Variants in PIGK observed in about 807,000 individuals in gnomAD.
PIGK encodes the protein phosphatidylinositol glycan anchor biosynthesis class K.
In PIGK, 42 loss-of-function variants were observed where a neutral mutation model predicts 50.6. The observed-to-expected ratio is 0.83, with a 90% CI of 0.65 to 1.07. The LOEUF is 1.07. Ranked by LOEUF, PIGK falls within the 50% of genes least tolerant of loss-of-function variation. PIGK has a pLI of 0.00. For missense variants in PIGK, 448 were observed against 488.7 expected (o/e 0.92, Z 0.78); for synonymous variants, 151 against 156.0 (o/e 0.97, Z 0.24).
chr1:77,110,589 C>T (rs1341305175), intron 10 of PIGK, among the ~76,000 whole-genome samples: 2 of 152,138 alleles, frequency 1.3e-5, no homozygotes, highest in East Asian at 1.9e-4. Flanking sequence ...CCCTTCCTTA[C>T]ACCTTATACA....
At chr1:77,142,433 TAG>T (rs1654668944) in intron 9 of PIGK, among the ~76,000 whole-genome samples, 1 of 152,114 alleles carries the variant, frequency 6.6e-6, no homozygotes. Flanking sequence ...ACTCAGAAGG[TAG>T]AGAGTAGATC....
intron 8 of PIGK, 107 bp from the exon 9 acceptor site, chr1:77,154,728 A>G (rs1355476573): frequency 1.4e-6 from 1 of 729,970 alleles, no homozygotes; most frequent in Non-Finnish European, 2.3e-6. Context: ...AACTCTCCCA[A>G]CCTAAAGAAG....
At chr1:77,194,957 C>A in intron 3 of PIGK, 2 of 600,558 alleles carry the variant, frequency 3.3e-6, no homozygotes. Flanking sequence ...ACTACTCCTG[C>A]TTAAGTGTGG....
intron 3 of PIGK, among the ~76,000 whole-genome samples, chr1:77,173,047 A>G (rs1395013257): frequency 6.6e-6 from 1 of 152,210 alleles, no homozygotes; most frequent in African/African-American, 2.4e-5. Flanking sequence ...GGAACCCAAG[A>G]GCAAAGCCAA....
intron 9 of PIGK, among the ~76,000 whole-genome samples, chr1:77,140,672 A>G (rs1400628945): frequency 1.3e-5 from 2 of 152,188 alleles, no homozygotes; most frequent in Non-Finnish European, 2.9e-5. Context: ...ACTATATCTA[A>G]CTTTCAAAGA....
chr1:77,181,611 C>T (rs908875824), intron 3 of PIGK, among the ~76,000 whole-genome samples: 1 of 152,092 alleles, frequency 6.6e-6, no homozygotes, highest in African/African-American at 2.4e-5. Flanking sequence ...AAAGCATCAT[C>T]CCAAGCTAGA....
intron 10 of PIGK, among the ~76,000 whole-genome samples, chr1:77,112,332 A>C (rs1404810450): frequency 6.6e-6 from 1 of 152,004 alleles, no homozygotes; most frequent in Non-Finnish European, 1.5e-5. Flanking sequence ...GCTGCAAGTC[A>C]GTATCTAAAC....
chr1:77,214,457 C>G (rs1656503684), intron 1 of PIGK, among the ~76,000 whole-genome samples: 1 of 152,040 alleles, frequency 6.6e-6, no homozygotes, highest in African/African-American at 2.4e-5. Flanking sequence ...TCAACATCCC[C>G]TCACGATAAA....
intron 6 of PIGK, 139 bp from the exon 7 acceptor site, chr1:77,161,850 AG>A: frequency 1.8e-6 from 1 of 568,772 alleles, no homozygotes; most frequent in South Asian, 3.1e-5. Flanking sequence ...AATTCCCAAC[AG>A]AAATTTGACC....
Position 77,154,497 on chromosome 1 carries a change from G to A in PIGK, c.938C>T (p.Thr313Ile), listed in dbSNP as rs1395107568. Residue 313 changes from threonine (T) to isoleucine (I), a missense_variant, in exon 9 of 11, where the codon ACA becomes ATA. By Grantham distance (89) the Thr-to-Ile change is moderately conservative. Coordinates refer to ENST00000370812, the MANE Select transcript of PIGK (RefSeq NM_005482.3). ...FFGSVRKVEI[T>I]TETIKLQQDS... is the part of the protein sequence containing the mutation. ...CTGTTGCAATTTAATAGTCTCTGTT[G>A]TAATTTCCACTTTCCGTACACTTCC... 6.2e-7 allele frequency: 1 copy of A among 1,612,004 alleles called. No homozygotes were observed. Among genetic ancestry groups the A allele is most frequent in the Non-Finnish European group, 8.5e-7 (1 of 1,178,592 alleles).
At chr1:77,195,070 CAT>C in intron 3 of PIGK, 1 of 947,586 alleles carries the variant, frequency 1.1e-6, no homozygotes, top group Non-Finnish European at 1.7e-6. Flanking sequence ...GCACACTGCC[CAT>C]AGCAGGAACA....
intron 3 of PIGK, among the ~76,000 whole-genome samples, chr1:77,201,704 G>C (rs1251700700): frequency 6.6e-6 from 1 of 152,036 alleles, no homozygotes; most frequent in Non-Finnish European, 1.5e-5. Context: ...TTGCTCCACT[G>C]CACTCCAGCC....
intron 3 of PIGK, among the ~76,000 whole-genome samples, chr1:77,177,181 G>A (rs1655506249): frequency 1.3e-5 from 2 of 152,016 alleles, no homozygotes; most frequent in African/African-American, 2.4e-5. Flanking sequence ...ATTTTCACCA[G>A]GTAAAGAAAG....
chr1:77,122,416 CA>C, intron 9 of PIGK, 57 bp from the exon 10 acceptor site: 2 of 896,014 alleles, frequency 2.2e-6, no homozygotes, highest in Non-Finnish European at 3.6e-6. Context: ...TGAAATATAG[CA>C]AATATTTAAA....
chr1:77,139,067 T>C (rs949245214), intron 9 of PIGK, among the ~76,000 whole-genome samples: 3 of 152,118 alleles, frequency 2.0e-5, no homozygotes, highest in Admixed American at 6.5e-5. Flanking sequence ...TGGTTTTATG[T>C]AGAGGTCTTA....
chr1:77,182,030 G>A (rs1655627157), intron 3 of PIGK, among the ~76,000 whole-genome samples: 1 of 152,056 alleles, frequency 6.6e-6, no homozygotes, highest in Non-Finnish European at 1.5e-5. Context: ...ATGATTCCAG[G>A]TATTCTGTAC....
In PIGK at chr1:77,161,404, T is replaced by C; in HGVS notation, c.704A>G (p.His235Arg). ...GACTCCAATTGCAGGATCAGGTTGA[T>C]GCTATGGAAAGGGGGAAAAAAAGTA... ...SSQVGEDSLS[H>R]QPDPAIGVHL... The change falls in exon 8 of 11, where the codon CAT becomes CGT. Residue 235 changes from histidine (H) to arginine (R), a missense_variant and splice_region_variant. Coordinates refer to ENST00000370812, the MANE Select transcript of PIGK (RefSeq NM_005482.3). 6.6e-7 allele frequency: 1 copy of C among 1,520,924 alleles called. No individual in the cohort carries two copies. Among genetic ancestry groups the C allele is most frequent in the Non-Finnish European group, 9.1e-7 (1 of 1,095,228 alleles). 94.2% of individuals were successfully genotyped at this position (1,520,924 alleles called of 1,614,324 possible).
At chr1:77,151,409 T>A (rs1654891361) in intron 9 of PIGK, among the ~76,000 whole-genome samples, 1 of 152,290 alleles carries the variant, frequency 6.6e-6, no homozygotes, top group South Asian at 2.1e-4. Flanking sequence ...GCGGAACAAC[T>A]GAAAGACTTT....
intron 3 of PIGK, among the ~76,000 whole-genome samples, chr1:77,187,607 C>A (rs1655779983): frequency 6.6e-6 from 1 of 152,162 alleles, no homozygotes; most frequent in African/African-American, 2.4e-5. Flanking sequence ...AATCAGTCCA[C>A]TACTCCACAA....
Sources: allele counts gnomAD v4.1 joint callset (sites outside exome capture counted in the v4.1 genomes callset), GRCh38; gene constraint gnomAD v4.1.1; transcripts MANE v1.5; gene names NCBI Gene and HGNC (gene_info 2026-07-23, HGNC 2026-07-21).